Variants in AK9 observed in about 807,000 individuals in gnomAD.
AK9 encodes adenylate kinase 9, also known as adenylate kinase domain containing 1.
Under a neutral mutation model 239.6 loss-of-function variants are expected in AK9, and 191 were observed. The observed-to-expected ratio is 0.80, with a 90% confidence interval of 0.71 to 0.90. AK9 has a LOEUF of 0.90. Among genes scored for constraint, AK9 ranks in the 40% least tolerant of loss-of-function variants. AK9 has a pLI of 0.00. For synonymous variants in AK9, 689 were observed against 721.0 expected (o/e 0.96, Z 0.71); for missense variants, 1,995 against 2,214.7 (o/e 0.90, Z 1.99).
intron 12 of AK9, among the ~76,000 whole-genome samples, chr6:109,625,969 C>A (rs759144108): frequency 3.3e-5 from 5 of 151,916 alleles, no homozygotes; most frequent in Non-Finnish European, 7.4e-5. Flanking sequence ...ACTCCACTTA[C>A]TCACATTAGA....
intron 8 of AK9, among the ~76,000 whole-genome samples, chr6:109,649,584 A>G (rs1004910288): frequency 6.6e-6 from 1 of 152,214 alleles, no homozygotes; most frequent in South Asian, 2.1e-4. Context: ...GAAATAAAAG[A>G]GGACACAAAC....
intron 25 of AK9, among the ~76,000 whole-genome samples, chr6:109,546,951 T>C (rs1365031650): frequency 6.6e-6 from 1 of 152,234 alleles, no homozygotes; most frequent in African/African-American, 2.4e-5. Context: ...ACCCAGTTCA[T>C]TTTATGCTTT....
chr6:109,509,487 T>C, intron 32 of AK9, 107 bp from the exon 33 acceptor site: 2 of 979,516 alleles, frequency 2.0e-6, no homozygotes, highest in Non-Finnish European at 3.0e-6. Context: ...TTTGGGCTTC[T>C]AATGATCCTG....
intron 17 of AK9, among the ~76,000 whole-genome samples, chr6:109,595,699 C>T (rs548290634): frequency 1.3e-5 from 2 of 152,204 alleles, no homozygotes; most frequent in East Asian, 3.9e-4. Context: ...ATGTCCTTTG[C>T]AGTGACATGG....
chr6:109,538,159 T>G (rs1782296012), intron 27 of AK9, among the ~76,000 whole-genome samples: 1 of 151,596 alleles, frequency 6.6e-6, no homozygotes, highest in African/African-American at 2.4e-5. Context: ...CTGGATATCC[T>G]TGTGAACTTT....
chr6:109,536,034 T>G (rs571540470), intron 27 of AK9, among the ~76,000 whole-genome samples: 2 of 152,334 alleles, frequency 1.3e-5, no homozygotes, highest in Admixed American at 1.3e-4. Context: ...TGAAGTCAGG[T>G]AGCGTGATGC....
chr6:109,683,546 CAA>C (rs1384208920), intron 1 of AK9, among the ~76,000 whole-genome samples: 1 of 152,168 alleles, frequency 6.6e-6, no homozygotes, highest in Admixed American at 6.5e-5. Context: ...GCAACTTCAG[CAA>C]AGTCTCAGGA....
rs116326624 is a variant in AK9 at position 109,494,359 on chromosome 6, C to T, written c.5419-264G>A. ...AGTATGGGCTTCATTACACAAGTCT[C>T]TCTATTTTTATATGTTTGACATTTT... is the stretch of plus-strand genomic sequence containing the variant. On this transcript the variant is annotated intron_variant, in intron 39 of 40. Transcript: ENST00000424296. 1,222 of 316,542 alleles carry T rather than the reference C, an allele frequency of 3.9e-3. 14 individuals carry two copies. Among genetic ancestry groups the T allele is most frequent in the African/African-American group, 0.024 (1,151 of 47,244 alleles). 19.6% of individuals were successfully genotyped at this position (316,542 alleles called of 1,614,324 possible).
intron 1 of AK9, among the ~76,000 whole-genome samples, chr6:109,685,415 T>C (rs1773360884): frequency 6.6e-6 from 1 of 152,176 alleles, no homozygotes; most frequent in Admixed American, 6.5e-5. Flanking sequence ...AATGATGAAT[T>C]CACATCCTTT....
chr6:109,635,008 A>G (rs1583347073), intron 10 of AK9, among the ~76,000 whole-genome samples: 4 of 152,224 alleles, frequency 2.6e-5, no homozygotes, highest in Admixed American at 2.6e-4. Context: ...TTGATATTAC[A>G]GGCTTAAAAA....
At chr6:109,537,428 T>C (rs1465801713) in intron 27 of AK9, among the ~76,000 whole-genome samples, 1 of 148,602 alleles carries the variant, frequency 6.7e-6, no homozygotes, top group Non-Finnish European at 1.5e-5. Context: ...GTAGTTTGCA[T>C]TTCTGTGGGA....
At chr6:109,603,668 A>ACTC (rs1792410273) in intron 17 of AK9, among the ~76,000 whole-genome samples, 1 of 152,156 alleles carries the variant, frequency 6.6e-6, no homozygotes, top group African/African-American at 2.4e-5. Flanking sequence ...CTGCCCCCAG[A>ACTC]GGTGGAGTCT....
At chr6:109,539,475 T>C (rs539215833) in intron 27 of AK9, among the ~76,000 whole-genome samples, 91 of 152,374 alleles carry the variant, frequency 6.0e-4, no homozygotes, top group African/African-American at 2.2e-3. Context: ...AGGAGTTCTC[T>C]ACACTGGTTA....
intron 3 of AK9, among the ~76,000 whole-genome samples, chr6:109,673,779 C>T (rs1179299792): frequency 6.6e-6 from 1 of 151,754 alleles, no homozygotes; most frequent in Non-Finnish European, 1.5e-5. Flanking sequence ...TTCATAAATG[C>T]TATGAACAAA....
chr6:109,686,586 G>A (rs1390411816), intron 1 of AK9, among the ~76,000 whole-genome samples: 1 of 152,174 alleles, frequency 6.6e-6, no homozygotes, highest in Non-Finnish European at 1.5e-5. Flanking sequence ...CCATACATCT[G>A]GCTAGATCCC....
chr6:109,536,603 C>T (rs1335703087), intron 27 of AK9, among the ~76,000 whole-genome samples: 6 of 152,286 alleles, frequency 3.9e-5, no homozygotes, highest in Admixed American at 2.6e-4. Context: ...ATTTCTTTCT[C>T]CTGCCTGATT....
intron 17 of AK9, among the ~76,000 whole-genome samples, chr6:109,596,551 T>C (rs1056228854): frequency 6.6e-6 from 1 of 152,106 alleles, no homozygotes; most frequent in Non-Finnish European, 1.5e-5. Flanking sequence ...CACCAAGATG[T>C]TTGCACCTGA....
At chr6:109,606,273 GATA>G in intron 17 of AK9, among the ~76,000 whole-genome samples, 1 of 152,066 alleles carries the variant, frequency 6.6e-6, no homozygotes, top group Non-Finnish European at 1.5e-5. Context: ...TAGATAGATA[GATA>G]GATAGATAGA....
intron 5 of AK9, among the ~76,000 whole-genome samples, chr6:109,666,049 A>G (rs1421812313): frequency 2.6e-5 from 4 of 152,200 alleles, no homozygotes; most frequent in Non-Finnish European, 5.9e-5. Flanking sequence ...TGGCAGAAGA[A>G]TAAGTAATTT....
Sources: allele counts gnomAD v4.1 joint callset (sites outside exome capture counted in the v4.1 genomes callset), GRCh38; gene constraint gnomAD v4.1.1; transcripts MANE v1.5; gene names NCBI Gene and HGNC (gene_info 2026-07-23, HGNC 2026-07-21).